CST1: variants seen among roughly 807,000 people sequenced by gnomAD.
CST1 encodes cystatin SN.
In CST1, 19 loss-of-function variants were observed where a neutral mutation model predicts 10.7. That is an observed-to-expected ratio of 1.78 (90% CI 1.24 to 2.61). The LOEUF (loss-of-function observed/expected upper bound fraction) is 2.61, where lower values mean the gene tolerates loss of function less well. CST1 is among the 30% of genes most tolerant of loss of function. The pLI, the probability that CST1 is intolerant of heterozygous loss-of-function variation, is 0.00. For synonymous variants in CST1, 95 were observed against 72.8 expected, an observed-to-expected ratio of 1.31 and a Z score of -1.55; for missense variants, 247 against 178.1, an observed-to-expected ratio of 1.39 and a Z score of -2.20.
chr20:23,747,777 A>G lies in CST1; in HGVS notation c.*39T>C. On this transcript the variant is annotated 3_prime_UTR_variant, in exon 3 of 3. Coordinates refer to ENST00000304749, the MANE Select transcript of CST1 (RefSeq NM_001898.3). ...GGGTGGGAGCACTACAGGGGGTGGG[A>G]GTGGGTGGTGGCTGGTGCGAATGGC... 1 of 1,591,880 alleles carries G rather than the reference A, an allele frequency of 6.3e-7. No individual in the cohort carries two copies. The highest frequency in any genetic ancestry group is 2.2e-5 in the East Asian group (1 of 44,652).
Position 23,750,791 on chromosome 20 carries a change from C to T in CST1, c.76G>A (p.Glu26Lys), listed in dbSNP as rs1292698911. 6.2e-7 allele frequency: 1 copy of T among 1,614,152 alleles called. No individual in the cohort carries two copies. Among genetic ancestry groups the T allele is most frequent in the East Asian group, 2.2e-5 (1 of 44,860 alleles). The change falls in exon 1 of 3, where the codon GAG becomes AAG. Residue 26 changes from glutamate to lysine, a missense_variant. Physicochemically the swap from Glu to Lys is moderately conservative, Grantham distance 56 (BLOSUM62 1). Coordinates refer to ENST00000304749, the MANE Select transcript of CST1 (RefSeq NM_001898.3). ...AVALAWSPKE[E>K]DRIIPGGIYN... ...ATGCCACCCGGGATTATCCTATCCT[C>T]CTCCTTGGGGCTCCAGGCCAGGGCC...
At chr20:23,748,112 C>A (rs1255389392) in intron 2 of CST1, among the ~76,000 whole-genome samples, 15 of 152,234 alleles carry the variant, frequency 9.9e-5, no homozygotes, top group Non-Finnish European at 5.9e-5. Context: ...GGCATTGGGA[C>A]CCCACCCCAG....
chr20:23,749,161 C>G, intron 1 of CST1, 32 bp from the exon 2 acceptor site: 1 of 1,609,692 alleles, frequency 6.2e-7, no homozygotes. Context: ...ACAGCGCCCC[C>G]ATCAGTTCAT....
Position 23,748,023 on chromosome 20 carries a change from C to G in CST1, c.343-124G>C, listed in dbSNP as rs935112598. 5 of 887,472 alleles carry G rather than the reference C, an allele frequency of 5.6e-6. No homozygotes were observed. The Admixed American group carries it at 1.0e-4, about 18-fold the overall frequency. 55.0% of individuals were successfully genotyped at this position (887,472 alleles called of 1,614,324 possible). On this transcript the variant is annotated intron_variant, in intron 2 of 2. Transcript: ENST00000304749. ...GTGAGACACTGGGCCCTCACCCACC[C>G]CTACTGAGTCCCAGAGTGCTGAACT...
At chr20:23,750,024 C>G (rs1461510552) in intron 1 of CST1, among the ~76,000 whole-genome samples, 1 of 151,676 alleles carries the variant, frequency 6.6e-6, no homozygotes, top group Non-Finnish European at 1.5e-5. Context: ...GCCCAGTTGC[C>G]CTGCTGAAGC....
At position 23,747,910 on chromosome 20, in the gene CST1, G is replaced by T; in HGVS notation, c.343-11C>A. ...AGAGCACAACTGTTTCTGTGAAAGG[G>T]AAGAGAGAGGGCCAATCAGTGTGGG... On this transcript the variant is annotated splice_polypyrimidine_tract_variant and intron_variant, in intron 2 of 2. Coordinates refer to ENST00000304749, the MANE Select transcript of CST1 (RefSeq NM_001898.3). 6.2e-7 allele frequency: 1 copy of T among 1,610,832 alleles called. No homozygotes were observed. Among genetic ancestry groups the T allele is most frequent in the Admixed American group, 1.7e-5 (1 of 60,012 alleles).
At position 23,750,875 on chromosome 20, in the gene CST1, C is replaced by G; in HGVS notation, c.-9G>C. ...CTCAGATACTGGGCCATGGTCTCCTCAGAGGCAGAGCACAAAGCTGGAGCT... is the reference window on the plus strand; with the variant it reads ...CTCAGATACTGGGCCATGGTCTCCTGAGAGGCAGAGCACAAAGCTGGAGCT... On this transcript the variant is annotated 5_prime_UTR_variant, in exon 1 of 3. Transcript: ENST00000304749. 2 of 1,598,008 alleles carry G rather than the reference C, an allele frequency of 1.3e-6. No homozygotes were observed. Among genetic ancestry groups the G allele is most frequent in the Non-Finnish European group, 1.7e-6 (2 of 1,171,346 alleles).
intron 1 of CST1, among the ~76,000 whole-genome samples, 153 bp downstream of exon 1, chr20:23,750,486 C>T (rs1982799704): frequency 6.6e-6 from 1 of 152,194 alleles, no homozygotes; most frequent in Non-Finnish European, 1.5e-5. Flanking sequence ...CGTGCTTAGG[C>T]ATGAAGGGCA....
chr20:23,750,615 C>G (rs1349496198), intron 1 of CST1, 24 bp downstream of exon 1: 4 of 1,606,138 alleles, frequency 2.5e-6, no homozygotes, highest in African/African-American at 1.3e-5. Context: ...GACCCAGGAC[C>G]CCTGGGGTGG....
chr20:23,750,741 C>T lies in CST1; in HGVS notation c.126G>A (p.Glu42=), dbSNP rs1235999672. The part of the protein sequence containing the change: ...GGIYNADLND[E]WVQRALHFAI... ...CGAAGTGAAGGGCACGCTGTACCCACTCATCATTGAGGTCTGCGTTATAGA... is the reference window on the plus strand; with the variant it reads ...CGAAGTGAAGGGCACGCTGTACCCATTCATCATTGAGGTCTGCGTTATAGA... The change falls in exon 1 of 3, where the codon GAG becomes GAA. Residue 42 remains glutamate (E), a synonymous_variant. Transcript: ENST00000304749. 3.1e-6 allele frequency: 5 copies of T among 1,614,068 alleles called. No individual in the cohort carries two copies. Among genetic ancestry groups the T allele is most frequent in the Non-Finnish European group, 4.2e-6 (5 of 1,180,034 alleles).
Position 23,749,117 on chromosome 20 carries a change from C to G in CST1, c.241G>C (p.Val81Leu). The G allele has an allele frequency of 6.3e-7, 1 of 1,599,548 alleles. No individual in the cohort carries two copies. Among genetic ancestry groups the G allele is most frequent in the Non-Finnish European group, 8.5e-7 (1 of 1,169,982 alleles). Residue 81 changes from valine (V) to leucine (L), a missense_variant, in exon 2 of 3, where the codon GTG (valine) becomes CTG (leucine). By Grantham distance (32) the Val-to-Leu change is conservative. Coordinates refer to ENST00000304749, the MANE Select transcript of CST1 (RefSeq NM_001898.3). Reference sequence around the variant, plus strand: ...ACCTCTACGTCGAAGAAGTAATTCACCCCCCCAACGGTCTGCACACAGGAG... The same window carrying G: ...ACCTCTACGTCGAAGAAGTAATTCAGCCCCCCAACGGTCTGCACACAGGAG... Reference protein sequence around the residue: ...LRARQQTVGGVNYFFDVEVGR... With the variant: ...LRARQQTVGGLNYFFDVEVGR...
rs201801623 is a variant in CST1 at position 23,750,622 on chromosome 20, G to T, written c.228+17C>A. On this transcript the variant is annotated intron_variant, in intron 1 of 2. Transcript: ENST00000304749. ...CAGGCTGGGACCCAGGACCCCTGGG[G>T]TGGAGGGAGCACCTACCTGTTGCCT... The T allele has an allele frequency of 3.9e-5, 63 of 1,612,716 alleles. No individual in the cohort carries two copies. The African/African-American group carries it at 7.1e-4, about 18-fold the overall frequency.
chr20:23,747,853 C>T lies in CST1; in HGVS notation c.389G>A (p.Arg130Lys). The T allele has an allele frequency of 6.2e-7, 1 of 1,614,048 alleles. No individual in the cohort carries two copies. Residue 130 changes from arginine to lysine, a missense_variant, in exon 3 of 3, where the codon AGA becomes AAA. Transcript: ENST00000304749. Reference protein sequence around the residue: ...FEIYEVPWENRRSLVKSRCQE... With the variant: ...FEIYEVPWENKRSLVKSRCQE... The stretch of plus-strand genomic sequence containing the variant: ...ACACCTGGATTTCACCAGGGACCTT[C>T]TGTTCTCCCAGGGAACTTCGTAGAT...
chr20:23,748,017 C>T (rs1982714225), intron 2 of CST1, 118 bp from the exon 3 acceptor site: 16 of 951,312 alleles, frequency 1.7e-5, no homozygotes, highest in Non-Finnish European at 8.3e-6. Context: ...TGGGCCCTCA[C>T]CCACCCCTAC....
intron 1 of CST1, 32 bp downstream of exon 1, chr20:23,750,607 C>G: frequency 6.2e-7 from 1 of 1,606,466 alleles, no homozygotes; most frequent in Non-Finnish European, 8.5e-7. Flanking sequence ...CAGGCTGGGA[C>G]CCAGGACCCC....
intron 1 of CST1, among the ~76,000 whole-genome samples, chr20:23,750,077 C>T (rs1210144639): frequency 6.6e-6 from 1 of 152,014 alleles, no homozygotes; most frequent in African/African-American, 2.4e-5. Flanking sequence ...TGGGTGACCA[C>T]TGTCCTCATC....
chr20:23,750,836 G>T lies in CST1; in HGVS notation c.31C>A (p.Leu11Met), dbSNP rs1600406917. The T allele has an allele frequency of 6.2e-7, 1 of 1,613,510 alleles. No individual in the cohort carries two copies. The highest frequency in any genetic ancestry group is 8.5e-7 in the Non-Finnish European group (1 of 1,179,724). Residue 11 changes from leucine to methionine, a missense_variant, in exon 1 of 3, where the codon CTG becomes ATG. Coordinates refer to ENST00000304749, the MANE Select transcript of CST1 (RefSeq NM_001898.3). ...AGGGCCACAGCTAGGGTGGCCAGCAGGAGCAGCAGGGTACTCAGATACTGG... is the reference window on the plus strand; with the variant it reads ...AGGGCCACAGCTAGGGTGGCCAGCATGAGCAGCAGGGTACTCAGATACTGG... The part of the protein sequence containing the change: MAQYLSTLLL[L>M]LATLAVALAW...
Position 23,749,270 on chromosome 20 carries a change from C to T in CST1, c.229-141G>A, listed in dbSNP as rs116626492. Reference sequence around the variant, plus strand: ...CACAAGGCACACAAGCCCCCTCTTCCTGTCAACTGGCAGGGTGCTGAGCCT... The same window carrying T: ...CACAAGGCACACAAGCCCCCTCTTCTTGTCAACTGGCAGGGTGCTGAGCCT... On this transcript the variant is annotated intron_variant, in intron 1 of 2. Transcript: ENST00000304749. 1,531 of 804,752 alleles carry T rather than the reference C, an allele frequency of 1.9e-3. 16 individuals carry two copies. In the African/African-American group the frequency reaches 0.022, roughly 12 times the overall value. The allele number at this position is 804,752 out of a possible 1,614,324, so 49.9% of individuals were successfully genotyped here.
At position 23,750,802 on chromosome 20, in the gene CST1, C is replaced by T; in HGVS notation, c.65G>A (p.Ser22Asn). ...LATLAVALAW[S>N]PKEEDRIIPG... is the part of the protein sequence containing the mutation. ...GATTATCCTATCCTCCTCCTTGGGG[C>T]TCCAGGCCAGGGCCACAGCTAGGGT... The change falls in exon 1 of 3, where the codon AGC becomes AAC. Residue 22 changes from serine to asparagine, a missense_variant. By Grantham distance (46) the Ser-to-Asn change is conservative (BLOSUM62 1). Coordinates refer to ENST00000304749, the MANE Select transcript of CST1 (RefSeq NM_001898.3). 1.9e-6 allele frequency: 3 copies of T among 1,614,136 alleles called. No homozygotes were observed. Among genetic ancestry groups the T allele is most frequent in the Non-Finnish European group, 2.5e-6 (3 of 1,180,014 alleles).
Sources: allele counts gnomAD v4.1 joint callset (sites outside exome capture counted in the v4.1 genomes callset), GRCh38; gene constraint gnomAD v4.1.1; transcripts MANE v1.5; gene names NCBI Gene and HGNC (gene_info 2026-07-23, HGNC 2026-07-21).